The following TET3 variants were observed in gnomAD, a reference collection of about 807,000 sequenced individuals.
The protein encoded by TET3 is tet methylcytosine dioxygenase 3, also known as methylcytosine dioxygenase TET3.
In TET3, 19 loss-of-function variants were observed where a neutral mutation model predicts 141.4. That is an observed-to-expected ratio of 0.13 (90% confidence interval 0.09 to 0.20). The LOEUF is 0.20. TET3 is among the 10% of genes least tolerant of loss of function. The pLI is 1.00. For synonymous variants in TET3, 1,043 were observed against 980.9 expected (o/e 1.06, Z -1.18); for missense variants, 1,874 against 2,356.9 (o/e 0.80, Z 4.24).
chr2:74,009,650 T>C (rs751897920), intron 3 of TET3, among the ~76,000 whole-genome samples: 17 of 152,206 alleles, frequency 1.1e-4, no homozygotes, highest in Non-Finnish European at 2.4e-4. Context: ...CCTAGGACAC[T>C]CTTCATGGCT....
At chr2:74,121,410 G>C in the TET3 span, 2 of 152,240 alleles carry the variant, frequency 1.3e-5, no homozygotes, top group Non-Finnish European at 2.9e-5. Flanking sequence ...GGAGAGAATA[G>C]TAAAGGCAAC....
chr2:74,081,402 G>A (rs1369419370), intron 6 of TET3, among the ~76,000 whole-genome samples: 1 of 152,252 alleles, frequency 6.6e-6, no homozygotes, highest in East Asian at 1.9e-4. Context: ...TGTTCAAGCT[G>A]TTTGTGCTCT....
intron 3 of TET3, among the ~76,000 whole-genome samples, chr2:74,028,571 T>C (rs192030617): frequency 3.9e-4 from 60 of 152,336 alleles, no homozygotes; most frequent in Non-Finnish European, 6.6e-4. Flanking sequence ...TTTTCCCATT[T>C]AATTATCTTA....
chr2:74,049,827 C>G (rs138362319), intron 4 of TET3, among the ~76,000 whole-genome samples: 1 of 152,040 alleles, frequency 6.6e-6, no homozygotes, highest in Non-Finnish European at 1.5e-5. Flanking sequence ...GAAAATCTGG[C>G]CCCAGGGCTC....
At chr2:73,992,301 T>TTTTCTTTTTTTTTTCTTTTTTTTC (rs11267555) in intron 2 of TET3, among the ~76,000 whole-genome samples, 30,262 of 144,626 alleles carry the variant, frequency 0.21, 4,453 homozygotes, top group African/African-American at 0.43. Flanking sequence ...TCTTTTTTTC[T>TTTTCTTTTTTTTTTCTTTTTTTTC]TTTCTTTTTT....
At chr2:74,040,075 T>A (rs1298326273) in intron 3 of TET3, among the ~76,000 whole-genome samples, 2 of 152,222 alleles carry the variant, frequency 1.3e-5, no homozygotes, top group African/African-American at 4.8e-5. Flanking sequence ...ACACACAGTA[T>A]GTCACACGTA....
chr2:74,083,813 C>T lies in TET3; in HGVS notation c.2679+3222C>T, dbSNP rs148248977. ...AACCAGAATGGCATGGCCTCAGTCA[C>T]GGCCATGACTGGTTGGGTGACTTGT... is the stretch of plus-strand genomic sequence containing the variant. On this transcript the variant is annotated intron_variant, in intron 6 of 11. Coordinates refer to ENST00000409262, the MANE Select transcript of TET3 (RefSeq NM_001287491.2). Among the ~76,000 whole-genome samples, 4 of 152,274 alleles carry T rather than the reference C, an allele frequency of 2.6e-5. No individual in the cohort carries two copies. The East Asian group carries it at 5.8e-4, about 22-fold the overall frequency.
At chr2:74,014,716 A>G (rs1346356225) in intron 3 of TET3, among the ~76,000 whole-genome samples, 1 of 152,152 alleles carries the variant, frequency 6.6e-6, no homozygotes, top group Non-Finnish European at 1.5e-5. Flanking sequence ...CAGTGAGAGA[A>G]AAAAAACTGA....
intron 3 of TET3, among the ~76,000 whole-genome samples, chr2:74,021,796 CT>C (rs1686059264): frequency 6.6e-6 from 1 of 152,148 alleles, no homozygotes; most frequent in African/African-American, 2.4e-5. Context: ...AAGAGGCTGC[CT>C]GTTTGGGGCT....
intron 4 of TET3, among the ~76,000 whole-genome samples, chr2:74,053,791 G>A (rs1335764261): frequency 2.0e-5 from 3 of 151,926 alleles, no homozygotes; most frequent in Non-Finnish European, 4.4e-5. Flanking sequence ...GTCGTGTAAA[G>A]TCTGTTTTCT....
chr2:73,984,720 G>A (rs1683906476), upstream of TET3, among the ~76,000 whole-genome samples: 1 of 151,362 alleles, frequency 6.6e-6, no homozygotes, highest in Non-Finnish European at 1.5e-5. The surrounding 1 kb of genome is among the most constrained non-coding windows in gnomAD (Gnocchi z 5.6). Flanking sequence ...AGAAGCGGCG[G>A]CCGGGCCGGA....
the TET3 span, among the ~76,000 whole-genome samples, chr2:74,129,815 C>T: frequency 6.6e-6 from 1 of 151,954 alleles, no homozygotes; most frequent in African/African-American, 2.4e-5. Context: ...GGCTTTAGGC[C>T]AGGTGCAGTG....
chr2:73,988,236 G>A (rs1684145226), intron 2 of TET3, among the ~76,000 whole-genome samples: 1 of 152,180 alleles, frequency 6.6e-6, no homozygotes, highest in South Asian at 2.1e-4. Context: ...ACTTCTGGAT[G>A]TAAGAGCTGG....
chr2:74,072,329 A>G (rs535633732), intron 4 of TET3, among the ~76,000 whole-genome samples: 2 of 152,300 alleles, frequency 1.3e-5, no homozygotes, highest in African/African-American at 4.8e-5. Context: ...CCTGGTCAAC[A>G]TGGTGAAACT....
chr2:74,090,899 A>T (rs1352820601), intron 8 of TET3, among the ~76,000 whole-genome samples: 1 of 152,168 alleles, frequency 6.6e-6, no homozygotes, highest in African/African-American at 2.4e-5. Context: ...TTGCTAGGAT[A>T]CAGACAAATA....
At chr2:74,040,864 C>T (rs912068631) in intron 3 of TET3, among the ~76,000 whole-genome samples, 76 of 152,194 alleles carry the variant, frequency 5.0e-4, no homozygotes, top group African/African-American at 1.6e-3. Context: ...AACTGCACTC[C>T]ATCATGGGCA....
chr2:74,021,366 C>A (rs542035846), intron 3 of TET3, among the ~76,000 whole-genome samples: 5 of 152,268 alleles, frequency 3.3e-5, no homozygotes, highest in Admixed American at 6.5e-5. Context: ...CGATGCAGGG[C>A]TGCCTAGGGC....
At chr2:74,074,770 C>T (rs886435389) in intron 5 of TET3, among the ~76,000 whole-genome samples, 6 of 152,234 alleles carry the variant, frequency 3.9e-5, no homozygotes, top group Admixed American at 2.6e-4. Flanking sequence ...TAGTGCTTGT[C>T]ATGAGGACTA....
chr2:74,065,677 C>G (rs1688853934), intron 4 of TET3, among the ~76,000 whole-genome samples: 1 of 147,276 alleles, frequency 6.8e-6, no homozygotes, highest in South Asian at 2.2e-4. Flanking sequence ...TTCTTTCTTT[C>G]CCTTTCTTTT....
Sources: gnomAD v4.1 joint callset for allele counts (sites outside exome capture counted in the v4.1 genomes callset) on GRCh38, gnomAD v4.1.1 for gene constraint, Gnocchi (gnomAD v3.1) non-coding constraint, MANE v1.5 for transcripts, NCBI Gene and HGNC (gene_info 2026-07-23, HGNC 2026-07-21) for gene names.